The following HTRA3 variants were observed in gnomAD, a reference collection of about 807,000 sequenced individuals.
The protein encoded by HTRA3 is HtrA serine peptidase 3, also known as serine protease HTRA3.
A neutral mutation model predicts 43.2 loss-of-function variants in HTRA3; 41 were observed. The ratio of observed to expected loss-of-function variants is 0.95; its 90% CI spans 0.74 to 1.23. The LOEUF (loss-of-function observed/expected upper bound fraction) is 1.23. Ranked by LOEUF, HTRA3 falls within the 50% of genes most tolerant of loss-of-function variation. HTRA3 has a pLI of 0.00. For missense variants in HTRA3, 628 were observed against 647.1 expected (o/e 0.97, Z 0.32); for synonymous variants, 295 against 287.9 (o/e 1.02, Z -0.25).
intron 6 of HTRA3, among the ~76,000 whole-genome samples, chr4:8,300,605 CTG>C (rs1345726805): frequency 2.8e-4 from 42 of 152,268 alleles, no homozygotes; most frequent in Admixed American, 8.5e-4. Flanking sequence ...ATGTTGATAA[CTG>C]TGTCTTTTTG....
chr4:8,303,137 G>A (rs75545201), intron 7 of HTRA3, among the ~76,000 whole-genome samples: 1,784 of 152,324 alleles, frequency 0.012, 30 homozygotes, highest in African/African-American at 0.041. Flanking sequence ...GGCTCTGGGT[G>A]TACACGAATT....
At chr4:8,303,900 TCATC>T (rs542518473) in intron 7 of HTRA3, among the ~76,000 whole-genome samples, 155 of 152,080 alleles carry the variant, frequency 1.0e-3, no homozygotes, top group Admixed American at 2.6e-3. Flanking sequence ...ATTCCTTCAT[TCATC>T]CATCCATCCA....
chr4:8,270,470 A>G (rs1378362074), intron 1 of HTRA3, 117 bp downstream of exon 1: 2 of 1,166,890 alleles, frequency 1.7e-6, no homozygotes, highest in Non-Finnish European at 2.2e-6. Flanking sequence ...GTGGCCCTTC[A>G]GAAATCATCC....
At chr4:8,291,784 C>T (rs1056833966) in intron 4 of HTRA3, among the ~76,000 whole-genome samples, 32 of 152,246 alleles carry the variant, frequency 2.1e-4, no homozygotes, top group African/African-American at 3.6e-4. Flanking sequence ...CTGCTGTCCT[C>T]GCTCGGGCAG....
chr4:8,282,506 C>T lies in HTRA3; in HGVS notation c.455C>T (p.Pro152Leu). The change falls in exon 2 of 9, where the codon CCA becomes CTA. Residue 152 changes from proline (P) to leucine (L), a missense_variant. Coordinates refer to ENST00000307358, the MANE Select transcript of HTRA3 (RefSeq NM_053044.5). The stretch of plus-strand genomic sequence containing the variant: ...GCTGACGTGGTGGAGAAGATCGCAC[C>T]AGCCGTGGTCCACATAGAGCTCTTC... Reference protein sequence around the residue: ...FIADVVEKIAPAVVHIELFLR... With the variant: ...FIADVVEKIALAVVHIELFLR... 1 of 1,614,102 alleles carries T rather than the reference C, an allele frequency of 6.2e-7. No homozygotes were observed.
intron 4 of HTRA3, among the ~76,000 whole-genome samples, chr4:8,292,095 G>A (rs891018033): frequency 6.6e-6 from 1 of 152,088 alleles, no homozygotes; most frequent in South Asian, 2.1e-4. Context: ...ATGCCGAAGC[G>A]TATGGTTTGT....
intron 3 of HTRA3, among the ~76,000 whole-genome samples, chr4:8,289,912 C>T (rs1045999875): frequency 2.0e-5 from 3 of 150,954 alleles, no homozygotes; most frequent in East Asian, 2.0e-4. Flanking sequence ...CTCACCTGTG[C>T]GCCCTCCTTG....
In HTRA3 at chr4:8,279,758, A is replaced by G. The variant is rs539784696; in HGVS notation, c.386-2679A>G. 2.3e-4 allele frequency among the ~76,000 whole-genome samples: 35 copies of G among 152,222 alleles called. No homozygotes were observed. In the East Asian group the frequency reaches 5.2e-3, roughly 23 times the overall value. ...ATGCGGGCTCAGCCTGTGGCTTTCC[A>G]TGTGCTGTGCCCCTGCCCGTGGGCT... On this transcript the variant is annotated intron_variant, in intron 1 of 8. Coordinates refer to ENST00000307358, the MANE Select transcript of HTRA3 (RefSeq NM_053044.5). The surrounding 1 kb of genome is among the most constrained non-coding windows in gnomAD (Gnocchi z 7.4).
At chr4:8,303,947 C>G (rs892562135) in intron 7 of HTRA3, among the ~76,000 whole-genome samples, 4 of 152,204 alleles carry the variant, frequency 2.6e-5, no homozygotes, top group Non-Finnish European at 5.9e-5. Context: ...CCTCCTCCCA[C>G]CTGTCTACCC....
chr4:8,289,227 G>T (rs1176977536), intron 3 of HTRA3, among the ~76,000 whole-genome samples: 1 of 152,178 alleles, frequency 6.6e-6, no homozygotes, highest in Non-Finnish European at 1.5e-5. Context: ...TGGGATTACA[G>T]GTGTGAGCCA....
At position 8,271,647 on chromosome 4, in the gene HTRA3, A is replaced by T. The variant is rs943900831; in HGVS notation, c.385+1294A>T. 1.3e-4 allele frequency among the ~76,000 whole-genome samples: 20 copies of T among 152,230 alleles called. 1 individual carries two copies. Among genetic ancestry groups the T allele is most frequent in the Non-Finnish European group, 7.3e-5 (5 of 68,048 alleles). The stretch of plus-strand genomic sequence containing the variant: ...CTGGAAAGTTCAAGACCAAGGTGCC[A>T]GCAGGCTTGGTTGTCTGGTGAGGGC... On this transcript the variant is annotated intron_variant, in intron 1 of 8. Transcript: ENST00000307358.
intron 6 of HTRA3, 62 bp from the exon 7 acceptor site, chr4:8,302,399 CCT>C: frequency 6.8e-7 from 1 of 1,477,464 alleles, no homozygotes; most frequent in Non-Finnish European, 9.5e-7. Context: ...CTGCCTGTCC[CCT>C]GAGGGAGCGT....
chr4:8,270,064 G>C lies in HTRA3; in HGVS notation c.96G>C (p.Ser32=). ...CGTGTCCCGCGCGCTGCGACGTGTC[G>C]CGGTGTCCCAGCCCCCGCTGCCCCG... ...AAPCPARCDV[S]RCPSPRCPGG... is the part of the protein sequence containing the mutation. The change falls in exon 1 of 9, where the codon TCG becomes TCC. Residue 32 remains serine, a synonymous_variant. Coordinates refer to ENST00000307358, the MANE Select transcript of HTRA3 (RefSeq NM_053044.5). 1 of 1,495,782 alleles carries C rather than the reference G, an allele frequency of 6.7e-7. No homozygotes were observed. Among genetic ancestry groups the C allele is most frequent in the Non-Finnish European group, 8.8e-7 (1 of 1,132,148 alleles). The allele number at this position is 1,495,782 out of a possible 1,614,324, so 92.7% of individuals were successfully genotyped here.
intron 6 of HTRA3, among the ~76,000 whole-genome samples, chr4:8,298,648 T>G (rs1713537868): frequency 6.6e-6 from 1 of 152,236 alleles, no homozygotes; most frequent in Non-Finnish European, 1.5e-5. Context: ...GATTTAGGAC[T>G]GCGATGCATT....
At chr4:8,285,321 A>G (rs182702153) in intron 2 of HTRA3, among the ~76,000 whole-genome samples, 17 of 152,318 alleles carry the variant, frequency 1.1e-4, no homozygotes, top group East Asian at 9.7e-4. Context: ...TGAGCATTCA[A>G]TGGCCTGCCT....
At position 8,302,527 on chromosome 4, in the gene HTRA3, G is replaced by C; in HGVS notation, c.1100+16G>C. On this transcript the variant is annotated intron_variant, in intron 7 of 8. Transcript: ENST00000307358. ...TCACACCAAGGTGAGTGTCTGAAGAGTGCCATCCCCTGCTACCCCTTCCTC... is the reference window on the plus strand; with the variant it reads ...TCACACCAAGGTGAGTGTCTGAAGACTGCCATCCCCTGCTACCCCTTCCTC... 1 of 1,613,168 alleles carries C rather than the reference G, an allele frequency of 6.2e-7. No individual in the cohort carries two copies.
At chr4:8,290,338 G>C (rs1713185038) in intron 3 of HTRA3, among the ~76,000 whole-genome samples, 1 of 152,244 alleles carries the variant, frequency 6.6e-6, no homozygotes, top group South Asian at 2.1e-4. Flanking sequence ...TAATAAAAGG[G>C]AAGAGGACTG....
At chr4:8,276,223 C>A (rs1269371355) in intron 1 of HTRA3, among the ~76,000 whole-genome samples, 1 of 152,252 alleles carries the variant, frequency 6.6e-6, no homozygotes, top group African/African-American at 2.4e-5. Flanking sequence ...GGTGGAGTCC[C>A]AGCTCTGCCC....
Position 8,286,825 on chromosome 4 carries a change from G to T in HTRA3, c.708+42G>T. On this transcript the variant is annotated intron_variant, in intron 3 of 8. Transcript: ENST00000307358. This position sits in a 1 kb window ranked among gnomAD's most constrained non-coding sequence, Gnocchi z 4.9. The stretch of plus-strand genomic sequence containing the variant: ...GGAGGGGCGGAAGCACCTGGGGCTG[G>T]GCATGGTGGCCTCTTCCCAGACGCC... 6.8e-7 allele frequency: 1 copy of T among 1,472,632 alleles called. No homozygotes were observed. Among genetic ancestry groups the T allele is most frequent in the Non-Finnish European group, 9.4e-7 (1 of 1,065,832 alleles). 91.2% of individuals were successfully genotyped at this position (1,472,632 alleles called of 1,614,324 possible).
Sources: allele counts gnomAD v4.1 joint callset (sites outside exome capture counted in the v4.1 genomes callset), GRCh38; gene constraint gnomAD v4.1.1; non-coding constraint Gnocchi (gnomAD v3.1); transcripts MANE v1.5; gene names NCBI Gene and HGNC (gene_info 2026-07-23, HGNC 2026-07-21).